The following RGS7 variants were observed in gnomAD, a reference collection of about 807,000 sequenced individuals.
The protein encoded by RGS7 is regulator of G-protein signaling 7.
RGS7 carries 27 observed loss-of-function variants against 81.1 expected under a neutral mutation model. That is an observed-to-expected ratio of 0.33 (90% CI 0.25 to 0.46). The LOEUF is 0.46. RGS7 is among the 20% of genes least tolerant of loss of function. RGS7 has a pLI of 1.00. For missense variants in RGS7, 396 were observed against 607.4 expected, an observed-to-expected ratio of 0.65 and a Z score of 3.66; for synonymous variants, 208 against 207.7, an observed-to-expected ratio of 1.00 and a Z score of -0.01.
At chr1:241,256,521 T>C (rs1029092512) in intron 2 of RGS7, among the ~76,000 whole-genome samples, 6 of 152,188 alleles carry the variant, frequency 3.9e-5, no homozygotes, top group Non-Finnish European at 4.4e-5. Context: ...TCAGGTCAGG[T>C]TGCCATAACA....
intron 2 of RGS7, among the ~76,000 whole-genome samples, chr1:241,177,976 T>C (rs974985595): frequency 2.6e-5 from 4 of 152,114 alleles, no homozygotes; most frequent in African/African-American, 9.7e-5. Flanking sequence ...AATTAGGTAG[T>C]TGGATACATA....
At chr1:241,157,962 G>A (rs1350990646) in intron 2 of RGS7, among the ~76,000 whole-genome samples, 5 of 151,152 alleles carry the variant, frequency 3.3e-5, no homozygotes, top group African/African-American at 4.9e-5. Context: ...GACTACAGGC[G>A]CCCGCCACCA....
intron 4 of RGS7, among the ~76,000 whole-genome samples, chr1:240,947,625 C>T (rs187819759): frequency 2.3e-3 from 347 of 152,294 alleles, no homozygotes; most frequent in Non-Finnish European, 4.4e-3. Flanking sequence ...CCACCACCTC[C>T]ACCACCCCAG....
At chr1:241,156,596 C>CGAGGGGAGGG (rs1285500127) in intron 2 of RGS7, among the ~76,000 whole-genome samples, 1 of 81,696 alleles carries the variant, frequency 1.2e-5, no homozygotes. Flanking sequence ...GGAGGGGAGA[C>CGAGGGGAGGG]GAGGGGAGGG....
At chr1:241,240,969 T>G (rs1055879655) in intron 2 of RGS7, among the ~76,000 whole-genome samples, 2 of 152,120 alleles carry the variant, frequency 1.3e-5, no homozygotes, top group East Asian at 1.9e-4. Flanking sequence ...TGCTGCTGCT[T>G]CTTCATCACA....
At chr1:241,295,255 TGA>T (rs2079342616) in intron 2 of RGS7, among the ~76,000 whole-genome samples, 3 of 151,706 alleles carry the variant, frequency 2.0e-5, no homozygotes, top group Non-Finnish European at 4.4e-5. Context: ...AAGACCAGCC[TGA>T]CGAACATGAT....
At chr1:241,119,110 C>A (rs1165812305) in intron 2 of RGS7, among the ~76,000 whole-genome samples, 1 of 151,884 alleles carries the variant, frequency 6.6e-6, no homozygotes, top group African/African-American at 2.4e-5. Flanking sequence ...TTAAAATAAT[C>A]AGTAAAAATA....
chr1:241,334,179 A>G (rs1399229967), intron 2 of RGS7, among the ~76,000 whole-genome samples: 3 of 152,188 alleles, frequency 2.0e-5, no homozygotes, highest in Non-Finnish European at 4.4e-5. Flanking sequence ...GGACAAGAAG[A>G]GTAAAAGCTT....
Position 241,222,167 on chromosome 1 carries a change from T to C in RGS7, c.79-123405A>G, listed in dbSNP as rs527668769. 5.3e-5 allele frequency among the ~76,000 whole-genome samples: 8 copies of C among 152,328 alleles called. No homozygotes were observed. The East Asian group carries it at 1.5e-3, about 29-fold the overall frequency. On this transcript the variant is annotated intron_variant, in intron 2 of 18. Transcript: ENST00000440928. ...GTTAAGCTACTGAAATTTGTGGTTG[T>C]GATTGTTATAGCTGCCAGCATTACT...
intron 3 of RGS7, among the ~76,000 whole-genome samples, chr1:241,028,860 T>C (rs1412057856): frequency 1.3e-5 from 2 of 152,134 alleles, no homozygotes; most frequent in Non-Finnish European, 2.9e-5. Flanking sequence ...CGACGATGAC[T>C]ACCAAGGCCA....
In RGS7 at chr1:241,017,349, G is replaced by A. The variant is rs544261971; in HGVS notation, c.176-34220C>T. ...CCAGCTACCAGGGAGGCTGAGGCAGGAGAATTGCTTGAACTCAGGAGGTGG... is the reference window on the plus strand; with the variant it reads ...CCAGCTACCAGGGAGGCTGAGGCAGAAGAATTGCTTGAACTCAGGAGGTGG... On this transcript the variant is annotated intron_variant, in intron 3 of 18. Coordinates refer to ENST00000440928, the MANE Select transcript of RGS7 (RefSeq NM_001364886.1). 6.0e-5 allele frequency among the ~76,000 whole-genome samples: 9 copies of A among 150,558 alleles called. 1 individual carries two copies. The South Asian group carries it at 1.9e-3, about 31-fold the overall frequency.
chr1:240,779,328 G>A (rs1432634960), intron 18 of RGS7, among the ~76,000 whole-genome samples: 9 of 152,030 alleles, frequency 5.9e-5, no homozygotes, highest in Admixed American at 5.2e-4. Context: ...GGCTAATTTT[G>A]TACTTTTAGT....
intron 2 of RGS7, among the ~76,000 whole-genome samples, chr1:241,111,068 T>C (rs1043073984): frequency 2.6e-5 from 4 of 152,226 alleles, no homozygotes; most frequent in Non-Finnish European, 5.9e-5. Context: ...AAAATAGCTT[T>C]GGAACATAAG....
chr1:241,116,044 T>C (rs2065867278), intron 2 of RGS7, among the ~76,000 whole-genome samples: 1 of 152,180 alleles, frequency 6.6e-6, no homozygotes, highest in South Asian at 2.1e-4. Context: ...CCTTCTGCCA[T>C]GACTGTAACT....
chr1:240,811,849 C>T, intron 14 of RGS7, 69 bp downstream of exon 14: 1 of 1,346,444 alleles, frequency 7.4e-7, no homozygotes, highest in Admixed American at 1.7e-5. Context: ...GATCTATTAC[C>T]TCCAAAATAA....
At chr1:241,025,280 G>C (rs545343712) in intron 3 of RGS7, among the ~76,000 whole-genome samples, 2 of 152,226 alleles carry the variant, frequency 1.3e-5, no homozygotes, top group Non-Finnish European at 2.9e-5. Flanking sequence ...GAGGGGTAGT[G>C]TGGTAATTAG....
chr1:241,284,992 T>C (rs2078725400), intron 2 of RGS7, among the ~76,000 whole-genome samples: 1 of 152,138 alleles, frequency 6.6e-6, no homozygotes, highest in Non-Finnish European at 1.5e-5. Flanking sequence ...TGCCTCAGCC[T>C]CCCAAGTAGC....
chr1:241,202,017 C>CACAG (rs1268899044), intron 2 of RGS7, among the ~76,000 whole-genome samples: 4 of 98,708 alleles, frequency 4.1e-5, no homozygotes, highest in South Asian at 3.3e-4. Context: ...CACAGACACA[C>CACAG]ACACACACAC....
At chr1:240,850,191 T>G (rs181589986) in intron 9 of RGS7, among the ~76,000 whole-genome samples, 2 of 152,384 alleles carry the variant, frequency 1.3e-5, no homozygotes, top group East Asian at 3.9e-4. Flanking sequence ...TTTTTGTTTT[T>G]GTTTTGTTCT....
Sources: allele counts gnomAD v4.1 joint callset (sites outside exome capture counted in the v4.1 genomes callset), GRCh38; gene constraint gnomAD v4.1.1; transcripts MANE v1.5; gene names NCBI Gene and HGNC (gene_info 2026-07-23, HGNC 2026-07-21).